Variants in TPD52L1 observed in about 807,000 individuals in gnomAD.
The protein encoded by TPD52L1 is tumor protein D53.
In TPD52L1, 18 loss-of-function variants were observed where a neutral mutation model predicts 28.7. The observed-to-expected ratio is 0.63, with a 90% confidence interval of 0.43 to 0.93. The LOEUF (loss-of-function observed/expected upper bound fraction) is 0.93, where lower values mean the gene tolerates loss of function less well. Ranked by LOEUF, TPD52L1 falls within the 40% of genes least tolerant of loss-of-function variation. The pLI, the probability that TPD52L1 is intolerant of heterozygous loss-of-function variation, is 0.00. For synonymous variants in TPD52L1, 75 were observed against 88.8 expected (o/e 0.84, Z 0.88); for missense variants, 203 against 254.8 (o/e 0.80, Z 1.39).
intron 4 of TPD52L1, among the ~76,000 whole-genome samples, chr6:125,249,994 C>T (rs377381001): frequency 1.3e-5 from 2 of 151,964 alleles, no homozygotes. Flanking sequence ...TATTAATTAC[C>T]CCTAATTTTA....
intron 1 of TPD52L1, among the ~76,000 whole-genome samples, chr6:125,167,654 G>C (rs35952361): frequency 0.037 from 5,695 of 152,186 alleles, 353 homozygotes; most frequent in East Asian, 0.33. Context: ...GAAAATATGA[G>C]GGTGCTATTC....
At chr6:125,168,824 C>T (rs1043777766) in intron 1 of TPD52L1, among the ~76,000 whole-genome samples, 1 of 152,108 alleles carries the variant, frequency 6.6e-6, no homozygotes, top group Non-Finnish European at 1.5e-5. Flanking sequence ...TTCTTTTTAT[C>T]CCTTCTCCCA....
rs576353064 is a variant in TPD52L1 at position 125,172,123 on chromosome 6, T to G, written c.19+18153T>G. Among the ~76,000 whole-genome samples, 109 of 66,872 alleles carry G rather than the reference T, an allele frequency of 1.6e-3. 1 individual carries two copies. The highest frequency in any genetic ancestry group is 8.5e-3 in the African/African-American group (105 of 12,320). 43.9% of individuals were successfully genotyped at this position (66,872 alleles called of 152,430 possible). ...CCCTTTCTTTCTTTCTTTCTTTCTT[T>G]CTTTCTTTCTTTCTTTCTTTCTTTC... On this transcript the variant is annotated intron_variant, in intron 1 of 6. Transcript: ENST00000534000.
rs116442042 is a variant in TPD52L1 at position 125,160,428 on chromosome 6, T to G, written c.19+6458T>G. Among the ~76,000 whole-genome samples, 155 of 152,310 alleles carry G rather than the reference T, an allele frequency of 1.0e-3. 2 individuals are homozygous for G. Among genetic ancestry groups the G allele is most frequent in the African/African-American group, 3.6e-3 (150 of 41,564 alleles). On this transcript the variant is annotated intron_variant, in intron 1 of 6. Transcript: ENST00000534000. ...AGGCTGAAGTACAGTGGGATCATCA[T>G]AGCTCACTGACACCTTGAACTCCTG...
intron 6 of TPD52L1, among the ~76,000 whole-genome samples, chr6:125,258,916 C>A (rs190807640): frequency 6.6e-6 from 1 of 152,316 alleles, no homozygotes; most frequent in Non-Finnish European, 1.5e-5. Flanking sequence ...TTTTTCTGTC[C>A]ACACAGGCAA....
intron 1 of TPD52L1, among the ~76,000 whole-genome samples, chr6:125,155,175 C>T (rs186269883): frequency 2.9e-4 from 44 of 152,338 alleles, no homozygotes; most frequent in African/African-American, 9.9e-4. Flanking sequence ...ATAATTCAAC[C>T]AAGGGTGAGG....
intron 3 of TPD52L1, among the ~76,000 whole-genome samples, chr6:125,233,712 C>T (rs561645585): frequency 6.6e-6 from 1 of 152,232 alleles, no homozygotes; most frequent in East Asian, 1.9e-4. Context: ...TATATTCGTG[C>T]TGTAAAATAT....
At chr6:125,238,977 C>T (rs1019031103) in intron 3 of TPD52L1, among the ~76,000 whole-genome samples, 4 of 152,066 alleles carry the variant, frequency 2.6e-5, no homozygotes, top group African/African-American at 9.7e-5. Flanking sequence ...GACTTCTTTC[C>T]CTTTGGGGGA....
intron 1 of TPD52L1, among the ~76,000 whole-genome samples, chr6:125,182,904 A>G (rs1792306685): frequency 6.6e-6 from 1 of 152,204 alleles, no homozygotes; most frequent in African/African-American, 2.4e-5. Flanking sequence ...ACACACACAT[A>G]GATGGTGGGG....
intron 1 of TPD52L1, among the ~76,000 whole-genome samples, chr6:125,193,686 A>G (rs1420329556): frequency 3.3e-5 from 5 of 152,194 alleles, no homozygotes; most frequent in Admixed American, 2.0e-4. Flanking sequence ...TGAAAAATAT[A>G]TGCATATATT....
At chr6:125,154,443 C>T (rs2114716076) in intron 1 of TPD52L1, 3 of 987,240 alleles carry the variant, frequency 3.0e-6, no homozygotes, top group African/African-American at 1.7e-5. Flanking sequence ...GGCTCCGCAG[C>T]CCGGCTGCGC....
intron 4 of TPD52L1, among the ~76,000 whole-genome samples, chr6:125,249,291 T>G (rs1440200116): frequency 6.6e-6 from 1 of 151,832 alleles, no homozygotes; most frequent in African/African-American, 2.4e-5. Context: ...CTTTAAAAAC[T>G]TTTCGAGCAC....
At chr6:125,237,704 C>T (rs570058185) in intron 3 of TPD52L1, among the ~76,000 whole-genome samples, 48 of 152,194 alleles carry the variant, frequency 3.2e-4, no homozygotes, top group African/African-American at 1.0e-3. Flanking sequence ...TAATTTATGG[C>T]GCAATTTCAG....
chr6:125,197,375 C>A (rs1793512857), intron 1 of TPD52L1, among the ~76,000 whole-genome samples: 2 of 152,190 alleles, frequency 1.3e-5, no homozygotes, highest in Admixed American at 1.3e-4. Context: ...AGTTCAATAT[C>A]AAGCAGGTAT....
chr6:125,170,082 T>A (rs963986212), intron 1 of TPD52L1, among the ~76,000 whole-genome samples: 4 of 152,188 alleles, frequency 2.6e-5, no homozygotes, highest in Non-Finnish European at 4.4e-5. Context: ...ATCTGGCAAC[T>A]GGACCCAGAT....
At chr6:125,187,737 T>C (rs1792734809) in intron 1 of TPD52L1, among the ~76,000 whole-genome samples, 1 of 152,330 alleles carries the variant, frequency 6.6e-6, no homozygotes, top group African/African-American at 2.4e-5. Flanking sequence ...TTATATATAC[T>C]GTAGTGTGTA....
intron 1 of TPD52L1, among the ~76,000 whole-genome samples, chr6:125,219,423 T>C (rs1364349699): frequency 6.6e-6 from 1 of 152,196 alleles, no homozygotes; most frequent in African/African-American, 2.4e-5. Flanking sequence ...TCCAACTGCT[T>C]CGAGCCACAT....
rs193141700 is a variant in TPD52L1, at chr6:125,211,554, G to A, written c.20-8524G>A. Among the ~76,000 whole-genome samples the A allele has an allele frequency of 3.8e-4, 58 of 152,278 alleles. No individual in the cohort carries two copies. In the East Asian group the frequency reaches 8.9e-3, roughly 23 times the overall value. ...TATGACTTGCGTTTTATGATTGCTC[G>A]TCTGTGTATGCAGATTTCCCTGATC... On this transcript the variant is annotated intron_variant, in intron 1 of 6. Coordinates refer to ENST00000534000, the MANE Select transcript of TPD52L1 (RefSeq NM_003287.4).
intron 1 of TPD52L1, among the ~76,000 whole-genome samples, chr6:125,167,910 T>C (rs924254282): frequency 4.6e-5 from 7 of 151,720 alleles, no homozygotes; most frequent in Non-Finnish European, 8.8e-5. Context: ...TATCATAAAA[T>C]ATACATCTGA....
Sources: gnomAD v4.1 joint callset for allele counts (sites outside exome capture counted in the v4.1 genomes callset) on GRCh38, gnomAD v4.1.1 for gene constraint, MANE v1.5 for transcripts, NCBI Gene and HGNC (gene_info 2026-07-23, HGNC 2026-07-21) for gene names.